PRKCA: variants seen among roughly 807,000 people sequenced by gnomAD.
The protein encoded by PRKCA is protein kinase C alpha type.
Under a neutral mutation model 87.0 loss-of-function variants are expected in PRKCA, and 27 were observed. That is an observed-to-expected ratio of 0.31 (90% CI 0.23 to 0.43). PRKCA has a LOEUF of 0.43. PRKCA is among the 20% of genes least tolerant of loss of function. The pLI is 1.00. For synonymous variants in PRKCA, 329 were observed against 311.1 expected, an observed-to-expected ratio of 1.06 and a Z score of -0.61; for missense variants, 518 against 852.3, an observed-to-expected ratio of 0.61 and a Z score of 4.88.
intron 2 of PRKCA, among the ~76,000 whole-genome samples, chr17:66,315,825 G>A (rs1159404420): frequency 6.6e-6 from 1 of 152,226 alleles, no homozygotes. Flanking sequence ...CTTCCTGCCT[G>A]TAGTGGGAGC....
At chr17:66,704,584 A>ATTC (rs1445765582) in intron 8 of PRKCA, among the ~76,000 whole-genome samples, 1 of 152,232 alleles carries the variant, frequency 6.6e-6, no homozygotes, top group Non-Finnish European at 1.5e-5. Context: ...ATTCAGAACT[A>ATTC]TATGAAGATA....
chr17:66,393,968 G>A lies in PRKCA; in HGVS notation c.205+87841G>A, dbSNP rs553532116. On this transcript the variant is annotated intron_variant, in intron 2 of 16. Coordinates refer to ENST00000413366, the MANE Select transcript of PRKCA (RefSeq NM_002737.3). ...CAGACGCCTGTAATCCCACCTACTC[G>A]GGAGACTGAGGCACGAGAATCGCTC... Among the ~76,000 whole-genome samples the A allele has an allele frequency of 3.9e-5, 6 of 152,104 alleles. No individual in the cohort carries two copies. The South Asian group carries it at 8.3e-4, about 21-fold the overall frequency.
chr17:66,468,446 G>A (rs1225345711), intron 2 of PRKCA, among the ~76,000 whole-genome samples: 1 of 152,144 alleles, frequency 6.6e-6, no homozygotes, highest in Non-Finnish European at 1.5e-5. Flanking sequence ...TCCTGCACAT[G>A]CATTTTTTTT....
intron 13 of PRKCA, among the ~76,000 whole-genome samples, chr17:66,751,797 G>T (rs1012744664): frequency 3.9e-5 from 6 of 152,088 alleles, no homozygotes; most frequent in Non-Finnish European, 7.4e-5. Flanking sequence ...CATGGCTAGG[G>T]GGGGTCTCAG....
At chr17:66,612,702 A>G (rs1342389166) in intron 3 of PRKCA, among the ~76,000 whole-genome samples, 2 of 151,336 alleles carry the variant, frequency 1.3e-5, no homozygotes, top group African/African-American at 2.4e-5. Flanking sequence ...TGTGCAATTG[A>G]GAATATTTCA....
chr17:66,325,449 C>T (rs8071250), intron 2 of PRKCA, among the ~76,000 whole-genome samples: 89,513 of 151,964 alleles, frequency 0.59, 26,448 homozygotes, highest in South Asian at 0.64. Context: ...TGTTGCCTCC[C>T]GCCCCACTTT....
chr17:66,303,180 C>A (rs951347310), intron 1 of PRKCA, among the ~76,000 whole-genome samples, 156 bp downstream of exon 1: 3 of 152,098 alleles, frequency 2.0e-5, no homozygotes, highest in South Asian at 2.1e-4. Context: ...GCGCGCCCGG[C>A]CCTGACACCG....
At chr17:66,637,075 A>G (rs1021297144) in intron 3 of PRKCA, among the ~76,000 whole-genome samples, 1 of 152,188 alleles carries the variant, frequency 6.6e-6, no homozygotes, top group African/African-American at 2.4e-5. Flanking sequence ...GGTGGAAGCG[A>G]TGGTTTCCTC....
At chr17:66,427,134 TGATCCTC>T (rs1358508011) in intron 2 of PRKCA, among the ~76,000 whole-genome samples, 1 of 152,110 alleles carries the variant, frequency 6.6e-6, no homozygotes, top group Non-Finnish European at 1.5e-5. Context: ...CGGGCTCAAG[TGATCCTC>T]CCACCTCAGC....
At chr17:66,776,429 C>A (rs1301030901) in intron 14 of PRKCA, among the ~76,000 whole-genome samples, 1 of 152,142 alleles carries the variant, frequency 6.6e-6, no homozygotes, top group Non-Finnish European at 1.5e-5. Context: ...TCTGCCTCAG[C>A]CTCCTTAGTA....
intron 3 of PRKCA, among the ~76,000 whole-genome samples, chr17:66,551,677 CAG>C (rs1238756843): frequency 1.3e-5 from 2 of 152,050 alleles, no homozygotes; most frequent in East Asian, 1.9e-4. Flanking sequence ...AGTACCAGGA[CAG>C]GGGACAGGGG....
chr17:66,473,634 T>C (rs1436704465), intron 2 of PRKCA, among the ~76,000 whole-genome samples: 1 of 152,160 alleles, frequency 6.6e-6, no homozygotes, highest in Non-Finnish European at 1.5e-5. Flanking sequence ...GAGTATAGTG[T>C]CTAGCAGCTA....
intron 2 of PRKCA, among the ~76,000 whole-genome samples, chr17:66,456,213 A>G (rs1400771163): frequency 6.6e-6 from 1 of 152,088 alleles, no homozygotes; most frequent in African/African-American, 2.4e-5. Context: ...TTGATTCCAG[A>G]CTTTTGTCCT....
rs117736363 is a variant in PRKCA, at chr17:66,578,385, A to C, written c.289-62970A>C. ...CCAGGGAGCCTGAAGTCCTTGGCGA[A>C]GGATAAAGTGGAAGGGGAATGCAGC... On this transcript the variant is annotated intron_variant, in intron 3 of 16. Coordinates refer to ENST00000413366, the MANE Select transcript of PRKCA (RefSeq NM_002737.3). 4.4e-3 allele frequency among the ~76,000 whole-genome samples: 663 copies of C among 152,264 alleles called. 34 individuals carry two copies. In the East Asian group the frequency reaches 0.11, roughly 26 times the overall value.
chr17:66,786,296 G>A (rs1391786831), intron 14 of PRKCA, among the ~76,000 whole-genome samples: 2 of 152,184 alleles, frequency 1.3e-5, no homozygotes, highest in Non-Finnish European at 2.9e-5. Flanking sequence ...CAGTCAAAGC[G>A]GATGAGGGAG....
intron 2 of PRKCA, among the ~76,000 whole-genome samples, chr17:66,321,267 T>C (rs1905639972): frequency 6.6e-6 from 1 of 152,188 alleles, no homozygotes; most frequent in South Asian, 2.1e-4. Flanking sequence ...CCTTGGTAAA[T>C]TTCCCTGGGG....
At chr17:66,801,888 T>C (rs918373329) in intron 16 of PRKCA, among the ~76,000 whole-genome samples, 1 of 152,122 alleles carries the variant, frequency 6.6e-6, no homozygotes, top group Non-Finnish European at 1.5e-5. Flanking sequence ...GTGTGAAATC[T>C]CCTTGGGTGA....
Position 66,803,767 on chromosome 17 carries a change from C to A in PRKCA, c.1855-106C>A. ...TCCGAGATTCCTCCTCCTAACCAGCCCGGAGTTCCCCAGGGCCGTGCCCCT... is the reference window on the plus strand; with the variant it reads ...TCCGAGATTCCTCCTCCTAACCAGCACGGAGTTCCCCAGGGCCGTGCCCCT... On this transcript the variant is annotated intron_variant, in intron 16 of 16. Transcript: ENST00000413366. This position sits in a 1 kb window ranked among gnomAD's most constrained non-coding sequence, Gnocchi z 4.4. The A allele has an allele frequency of 6.8e-7, 1 of 1,476,110 alleles. No homozygotes were observed. The allele number at this position is 1,476,110 out of a possible 1,614,324, so 91.4% of individuals were successfully genotyped here.
intron 2 of PRKCA, among the ~76,000 whole-genome samples, chr17:66,401,581 A>G (rs6504426): frequency 0.84 from 128,382 of 152,186 alleles, 54,493 homozygotes; most frequent in South Asian, 0.94. Context: ...TCTGAGGGCA[A>G]TGTGGAGGTG....
Sources: allele counts gnomAD v4.1 joint callset (sites outside exome capture counted in the v4.1 genomes callset), GRCh38; gene constraint gnomAD v4.1.1; non-coding constraint Gnocchi (gnomAD v3.1); transcripts MANE v1.5; gene names NCBI Gene and HGNC (gene_info 2026-07-23, HGNC 2026-07-21).